The following CACHD1 variants were observed in gnomAD, a reference collection of about 807,000 sequenced individuals.
CACHD1 encodes VWFA and cache domain-containing protein 1.
In CACHD1, 71 loss-of-function variants were observed where a neutral mutation model predicts 138.7. The observed-to-expected ratio is 0.51, with a 90% CI of 0.42 to 0.62. CACHD1 has a LOEUF of 0.62. Among genes scored for constraint, CACHD1 ranks in the 20% least tolerant of loss-of-function variants. CACHD1 has a pLI of 0.00. For missense variants in CACHD1, 1,389 were observed against 1,625.3 expected, an observed-to-expected ratio of 0.85 and a Z score of 2.50; for synonymous variants, 578 against 591.5, an observed-to-expected ratio of 0.98 and a Z score of 0.33.
intron 1 of CACHD1, among the ~76,000 whole-genome samples, chr1:64,531,853 C>CCGTT (rs2100404363): frequency 6.6e-6 from 1 of 152,252 alleles, no homozygotes; most frequent in African/African-American, 2.4e-5. Context: ...CAGACTCATT[C>CCGTT]CGTTACCTGA....
Position 64,557,269 on chromosome 1 carries a change from G to A in CACHD1, c.261+6613G>A, listed in dbSNP as rs143377631. Among the ~76,000 whole-genome samples the A allele has an allele frequency of 6.1e-3, 926 of 152,212 alleles. 4 individuals are homozygous for A. Among genetic ancestry groups the A allele is most frequent in the Non-Finnish European group, 0.01 (681 of 68,004 alleles). ...CACAAAGAAGAAACAAAAGGAGAAG[G>A]AGCTTCTTGGGGGGCTTGATTGGAT... is the stretch of plus-strand genomic sequence containing the variant. On this transcript the variant is annotated intron_variant, in intron 2 of 26. Coordinates refer to ENST00000651257, the MANE Select transcript of CACHD1 (RefSeq NM_020925.4).
At chr1:64,640,957 A>G (rs1052205958) in intron 7 of CACHD1, among the ~76,000 whole-genome samples, 2 of 151,870 alleles carry the variant, frequency 1.3e-5, no homozygotes, top group African/African-American at 4.8e-5. Context: ...CAGTTATTCT[A>G]CCTCGCAGCC....
chr1:64,634,241 T>G lies in CACHD1; in HGVS notation c.987T>G (p.Asn329Lys). 4.3e-6 allele frequency: 7 copies of G among 1,613,796 alleles called. No individual in the cohort carries two copies. Among genetic ancestry groups the G allele is most frequent in the Non-Finnish European group, 5.9e-6 (7 of 1,179,924 alleles). Residue 329 changes from asparagine to lysine, a missense_variant, in exon 7 of 27, where the codon AAT (asparagine) becomes AAG (lysine). By Grantham distance (94) the Asn-to-Lys change is moderately conservative. This residue lies in a region of CACHD1 where 1,000 missense variants were observed against 1,114.7 expected (regional missense o/e 0.90). Transcript: ENST00000651257. ...KAFQLIRSTN[N>K]NTKFQANTDM... ...TTCAGCTGATTCGAAGTACAAACAATAACACAAAGTTCCAAGCAAGTGAGT... is the reference window on the plus strand; with the variant it reads ...TTCAGCTGATTCGAAGTACAAACAAGAACACAAAGTTCCAAGCAAGTGAGT...
chr1:64,568,877 C>T (rs890315053), intron 2 of CACHD1, among the ~76,000 whole-genome samples: 3 of 152,064 alleles, frequency 2.0e-5, no homozygotes, highest in African/African-American at 7.2e-5. Context: ...AATTGTACTC[C>T]AGGCACATAT....
At chr1:64,603,877 C>T (rs371755510) in intron 4 of CACHD1, among the ~76,000 whole-genome samples, 5 of 152,096 alleles carry the variant, frequency 3.3e-5, no homozygotes, top group South Asian at 4.1e-4. Context: ...GAGGGTTCAC[C>T]GTTTAAGAGC....
intron 26 of CACHD1, among the ~76,000 whole-genome samples, chr1:64,690,769 A>G (rs910816002): frequency 3.3e-5 from 5 of 152,242 alleles, no homozygotes; most frequent in African/African-American, 9.6e-5. Context: ...CTACCAAGCA[A>G]GCACGCAGGT....
At chr1:64,474,619 G>A (rs867364600) in intron 1 of CACHD1, among the ~76,000 whole-genome samples, 2 of 152,232 alleles carry the variant, frequency 1.3e-5, no homozygotes, top group Non-Finnish European at 2.9e-5. Context: ...TTACAAGGAC[G>A]TATTCCAGCA....
At chr1:64,533,953 C>G (rs971524181) in intron 1 of CACHD1, among the ~76,000 whole-genome samples, 3 of 151,710 alleles carry the variant, frequency 2.0e-5, no homozygotes, top group African/African-American at 7.3e-5. Flanking sequence ...TGGGGTTTCA[C>G]AGTGTTAGCC....
chr1:64,521,690 T>C (rs1350223556), intron 1 of CACHD1, among the ~76,000 whole-genome samples: 1 of 152,260 alleles, frequency 6.6e-6, no homozygotes, highest in Non-Finnish European at 1.5e-5. Context: ...AGTTTTGATA[T>C]AGATATACAT....
chr1:64,687,184 A>G (rs973122190), intron 26 of CACHD1, among the ~76,000 whole-genome samples: 47 of 152,226 alleles, frequency 3.1e-4, no homozygotes, highest in African/African-American at 9.9e-4. Flanking sequence ...TTGTGTTTCA[A>G]ATAGTGCGTC....
chr1:64,616,426 G>T (rs1647709269), intron 4 of CACHD1, among the ~76,000 whole-genome samples: 1 of 152,170 alleles, frequency 6.6e-6, no homozygotes, highest in South Asian at 2.1e-4. Context: ...GATGATAAAG[G>T]TGAACCCTGG....
At chr1:64,538,767 G>A (rs999203584) in intron 1 of CACHD1, among the ~76,000 whole-genome samples, 1 of 152,160 alleles carries the variant, frequency 6.6e-6, no homozygotes. Context: ...CTCTTTGGAC[G>A]TGATATAAAT....
chr1:64,652,633 T>C (rs1649134083), intron 10 of CACHD1, among the ~76,000 whole-genome samples: 2 of 152,196 alleles, frequency 1.3e-5, no homozygotes, highest in African/African-American at 4.8e-5. Context: ...CCAACAAGCC[T>C]ATGAAAACAA....
At chr1:64,575,697 G>T (rs1646961726) in intron 2 of CACHD1, among the ~76,000 whole-genome samples, 1 of 152,102 alleles carries the variant, frequency 6.6e-6, no homozygotes, top group Non-Finnish European at 1.5e-5. Flanking sequence ...CAGCTTCATT[G>T]TTACGTATTT....
At chr1:64,635,365 AG>A (rs1648482623) in intron 7 of CACHD1, among the ~76,000 whole-genome samples, 1 of 146,596 alleles carries the variant, frequency 6.8e-6, no homozygotes, top group African/African-American at 2.5e-5. Context: ...AGATGTACAA[AG>A]GCACTCTAAT....
At chr1:64,674,387 G>C (rs1202059215) in intron 19 of CACHD1, among the ~76,000 whole-genome samples, 1 of 152,140 alleles carries the variant, frequency 6.6e-6, no homozygotes, top group East Asian at 1.9e-4. Flanking sequence ...GACTTATTCT[G>C]TGTATCTTCT....
chr1:64,644,299 A>T (rs1648832586), intron 8 of CACHD1, among the ~76,000 whole-genome samples: 1 of 152,388 alleles, frequency 6.6e-6, no homozygotes, highest in Non-Finnish European at 1.5e-5. Flanking sequence ...ACCACCTACC[A>T]TGTACAACAC....
At chr1:64,479,432 A>G (rs1646196218) in intron 1 of CACHD1, among the ~76,000 whole-genome samples, 3 of 152,194 alleles carry the variant, frequency 2.0e-5, no homozygotes, top group Admixed American at 2.0e-4. Flanking sequence ...GGTTAGTGAA[A>G]GAGTGGACCT....
intron 4 of CACHD1, among the ~76,000 whole-genome samples, chr1:64,606,106 A>AACACACACACACACACACACACACAC (rs112089755): frequency 1.1e-3 from 159 of 148,940 alleles, no homozygotes; most frequent in East Asian, 3.2e-3. Flanking sequence ...AGGAGCTGTA[A>AACACACACACACACACACACACACAC]ACACACACAC....
Sources: gnomAD v4.1 joint callset for allele counts (sites outside exome capture counted in the v4.1 genomes callset) on GRCh38, gnomAD v4.1.1 for gene constraint, gnomAD v4.1.1 regional missense constraint, MANE v1.5 for transcripts, NCBI Gene and HGNC (gene_info 2026-07-23, HGNC 2026-07-21) for gene names.